GPHN: variants seen among roughly 807,000 people sequenced by gnomAD.
GPHN encodes the protein gephyrin.
GPHN carries 17 observed loss-of-function variants against 95.5 expected under a neutral mutation model. The ratio of observed to expected loss-of-function variants is 0.18; its 90% CI spans 0.12 to 0.27. The LOEUF is 0.27. GPHN is among the 10% of genes least tolerant of loss of function. The pLI, the probability that GPHN is intolerant of heterozygous loss-of-function variation, is 1.00. For missense variants in GPHN, 660 were observed against 978.1 expected, an observed-to-expected ratio of 0.67 and a Z score of 4.34; for synonymous variants, 320 against 322.5, an observed-to-expected ratio of 0.99 and a Z score of 0.08.
chr14:66,738,983 A>G (rs1426402901), intron 2 of GPHN, among the ~76,000 whole-genome samples: 1 of 151,940 alleles, frequency 6.6e-6, no homozygotes, highest in African/African-American at 2.4e-5. Flanking sequence ...GTGGCGTTCT[A>G]TTGAAACATG....
chr14:66,554,043 T>G (rs888392224), intron 1 of GPHN, among the ~76,000 whole-genome samples: 2 of 152,238 alleles, frequency 1.3e-5, no homozygotes, highest in East Asian at 3.8e-4. Flanking sequence ...TTCATCTTAT[T>G]ATGAAATGAT....
chr14:67,338,320 T>G, the GPHN span: 1 of 225,652 alleles, frequency 4.4e-6, no homozygotes, highest in Non-Finnish European at 8.6e-6. Flanking sequence ...TAAGAGGTAT[T>G]TCCTAATATG....
At position 66,868,984 on chromosome 14, in the gene GPHN, T is replaced by C. The variant is rs1284616046; in HGVS notation, c.295-10955T>C. Among the ~76,000 whole-genome samples the C allele has an allele frequency of 2.0e-5, 3 of 152,320 alleles. No homozygotes were observed. In the East Asian group the frequency reaches 5.8e-4, roughly 29 times the overall value. ...AATATTTAGACGTCAAAGATAAATA[T>C]TTTATTTAAAAAGAATAGCTAAGTC... On this transcript the variant is annotated intron_variant, in intron 4 of 22. Transcript: ENST00000478722.
At chr14:67,690,991 G>A in the GPHN span, 1 of 644,086 alleles carries the variant, frequency 1.6e-6, no homozygotes, top group East Asian at 2.5e-5. Context: ...GTATTCCTCA[G>A]CTATCAGGTA....
chr14:67,248,384 T>A, the GPHN span, among the ~76,000 whole-genome samples: 1 of 152,084 alleles, frequency 6.6e-6, no homozygotes. Flanking sequence ...AATATAAGAT[T>A]TTGTGAACTA....
chr14:66,591,211 C>G (rs1286804594), intron 1 of GPHN, among the ~76,000 whole-genome samples: 2 of 152,138 alleles, frequency 1.3e-5, no homozygotes, highest in Non-Finnish European at 2.9e-5. Flanking sequence ...ACTGAATGGG[C>G]AAAAGCTGGA....
At chr14:67,138,847 A>G (rs186441576) in intron 17 of GPHN, among the ~76,000 whole-genome samples, 2 of 134,918 alleles carry the variant, frequency 1.5e-5, no homozygotes, top group South Asian at 2.3e-4. Flanking sequence ...TCTGCTGGTT[A>G]CCTCAGACAA....
the GPHN span, among the ~76,000 whole-genome samples, chr14:67,712,946 T>C: frequency 6.6e-6 from 1 of 152,166 alleles, no homozygotes; most frequent in African/African-American, 2.4e-5. Context: ...CCACCCTTTT[T>C]TGTGTGTGGG....
chr14:67,344,732 A>G, the GPHN span, among the ~76,000 whole-genome samples: 2 of 151,358 alleles, frequency 1.3e-5, no homozygotes, highest in African/African-American at 4.9e-5. Flanking sequence ...ATTCAAAAAT[A>G]TTATCCAGGC....
chr14:66,910,357 A>G (rs1162088821), intron 5 of GPHN, among the ~76,000 whole-genome samples: 5 of 151,988 alleles, frequency 3.3e-5, no homozygotes, highest in South Asian at 4.1e-4. Context: ...GTTGCTTTAT[A>G]TCTGTCATCT....
intron 4 of GPHN, among the ~76,000 whole-genome samples, chr14:66,862,685 T>A (rs1186445258): frequency 6.6e-6 from 1 of 151,950 alleles, no homozygotes; most frequent in Non-Finnish European, 1.5e-5. Flanking sequence ...TGGTTCAACC[T>A]ACATCATACA....
At chr14:67,280,211 G>T in the GPHN span, among the ~76,000 whole-genome samples, 1 of 152,188 alleles carries the variant, frequency 6.6e-6, no homozygotes, top group African/African-American at 2.4e-5. Context: ...ATCTACAAGA[G>T]AGATTGATAT....
At chr14:67,198,398 G>A in the GPHN span, 1 of 1,388,114 alleles carries the variant, frequency 7.2e-7, no homozygotes, top group Admixed American at 1.9e-5. Flanking sequence ...AGGATGGTAG[G>A]AGAATTGTTT....
intron 9 of GPHN, chr14:66,996,188 C>A (rs1461429296): frequency 1.3e-6 from 2 of 1,533,672 alleles, no homozygotes; most frequent in Admixed American, 3.9e-5. Flanking sequence ...CTCGGCTTCC[C>A]TCGTGCTCAT....
intron 1 of GPHN, among the ~76,000 whole-genome samples, chr14:66,512,300 CA>C (rs2058068849): frequency 6.6e-6 from 1 of 151,942 alleles, no homozygotes; most frequent in South Asian, 2.1e-4. Flanking sequence ...ATCAAAGCAG[CA>C]TACTAGTTTT....
At chr14:67,063,361 A>G (rs1054269229) in intron 11 of GPHN, among the ~76,000 whole-genome samples, 1 of 152,118 alleles carries the variant, frequency 6.6e-6, no homozygotes, top group Non-Finnish European at 1.5e-5. Flanking sequence ...GAAGTCTGGT[A>G]GTGTGATGCT....
chr14:67,226,935 G>A, the GPHN span, among the ~76,000 whole-genome samples: 1 of 152,146 alleles, frequency 6.6e-6, no homozygotes, highest in South Asian at 2.1e-4. Context: ...CACCTAGACA[G>A]AGTCTGAAGC....
chr14:67,411,537 C>T, the GPHN span, among the ~76,000 whole-genome samples: 1 of 152,156 alleles, frequency 6.6e-6, no homozygotes, highest in African/African-American at 2.4e-5. Context: ...TCCCTAACTC[C>T]TCTGGGCTTC....
the GPHN span, among the ~76,000 whole-genome samples, chr14:67,237,001 A>C: frequency 6.6e-6 from 1 of 152,004 alleles, no homozygotes; most frequent in Non-Finnish European, 1.5e-5. Flanking sequence ...GAGGCAGGAA[A>C]ACCGCTTGAA....
Sources: gnomAD v4.1 joint callset for allele counts (sites outside exome capture counted in the v4.1 genomes callset) on GRCh38, gnomAD v4.1.1 for gene constraint, MANE v1.5 for transcripts, NCBI Gene and HGNC (gene_info 2026-07-23, HGNC 2026-07-21) for gene names.